The following FBXO15 variants were observed in gnomAD, a reference collection of about 807,000 sequenced individuals.
FBXO15 encodes F-box only protein 15.
In FBXO15, 30 loss-of-function variants were observed where a neutral mutation model predicts 49.5. The observed-to-expected ratio is 0.61, with a 90% CI of 0.45 to 0.82. The LOEUF (loss-of-function observed/expected upper bound fraction) is 0.82. Ranked by LOEUF, FBXO15 falls within the 40% of genes least tolerant of loss-of-function variation. FBXO15 has a pLI of 0.00. For synonymous variants in FBXO15, 250 were observed against 232.7 expected, an observed-to-expected ratio of 1.07 and a Z score of -0.68; for missense variants, 591 against 631.5, an observed-to-expected ratio of 0.94 and a Z score of 0.69.
At chr18:74,091,726 T>C (rs940952828) in intron 8 of FBXO15, among the ~76,000 whole-genome samples, 7 of 152,250 alleles carry the variant, frequency 4.6e-5, no homozygotes, top group Non-Finnish European at 1.0e-4. Flanking sequence ...CATTCTTTTC[T>C]GTAGGGTTTC....
chr18:74,081,018 C>A (rs2145104000), intron 9 of FBXO15, among the ~76,000 whole-genome samples: 1 of 152,270 alleles, frequency 6.6e-6, no homozygotes, highest in South Asian at 2.1e-4. Flanking sequence ...TAGGTCTGTG[C>A]TCTTAAAGGC....
intron 5 of FBXO15, among the ~76,000 whole-genome samples, chr18:74,126,454 G>T (rs1207781105): frequency 6.6e-6 from 1 of 152,158 alleles, no homozygotes; most frequent in East Asian, 1.9e-4. Context: ...CTCTCAATGT[G>T]TATTCCTAGT....
chr18:74,126,109 C>CTAA lies in FBXO15; in HGVS notation c.786-9_786-8insTTA. The CTAA allele has an allele frequency of 6.2e-7, 1 of 1,612,916 alleles. No individual in the cohort carries two copies. The highest frequency in any genetic ancestry group is 8.5e-7 in the Non-Finnish European group (1 of 1,179,320). ...AAAGAATGCCATCGGAGTCTTTGAA[C>CTAA]GTTATGCCAAGGAAAGGAGAGAGAG... On this transcript the variant is annotated splice_polypyrimidine_tract_variant and intron_variant, in intron 5 of 9. Coordinates refer to ENST00000419743, the MANE Select transcript of FBXO15 (RefSeq NM_001142958.2).
At chr18:74,101,509 G>T (rs762071325) in intron 8 of FBXO15, among the ~76,000 whole-genome samples, 70 of 152,092 alleles carry the variant, frequency 4.6e-4, no homozygotes, top group Non-Finnish European at 9.0e-4. Flanking sequence ...TGGATGGGTA[G>T]AATTGATATT....
intron 5 of FBXO15, 87 bp from the exon 6 acceptor site, chr18:74,126,188 G>A (rs1914704271): frequency 1.3e-6 from 2 of 1,539,046 alleles, no homozygotes; most frequent in East Asian, 2.3e-5. Flanking sequence ...TATCACAAAT[G>A]TGTTTGAAGA....
At chr18:74,147,618 C>G in intron 1 of FBXO15, 52 bp downstream of exon 1, 1 of 1,373,228 alleles carries the variant, frequency 7.3e-7, no homozygotes, top group Non-Finnish European at 9.4e-7. Flanking sequence ...AGCGGGGCCG[C>G]GCAGTGACGG....
At chr18:74,133,821 C>T (rs62097049) in intron 3 of FBXO15, among the ~76,000 whole-genome samples, 13,301 of 152,156 alleles carry the variant, frequency 0.087, 819 homozygotes, top group Admixed American at 0.2. Flanking sequence ...GAAGGGAGGT[C>T]TGCCAGGCTC....
At chr18:74,135,040 C>T (rs573694019) in intron 3 of FBXO15, among the ~76,000 whole-genome samples, 6 of 152,222 alleles carry the variant, frequency 3.9e-5, no homozygotes, top group Admixed American at 3.3e-4. Flanking sequence ...TTGTAAGCCA[C>T]GAAATCCTCA....
At chr18:74,127,648 A>T (rs1349624168) in intron 5 of FBXO15, among the ~76,000 whole-genome samples, 2 of 152,214 alleles carry the variant, frequency 1.3e-5, no homozygotes, top group Non-Finnish European at 2.9e-5. Flanking sequence ...AACAAATCCT[A>T]AAAAACACTT....
In FBXO15 at chr18:74,124,497, C is replaced by T. The variant is rs370813408; in HGVS notation, c.987G>A (p.Ser329=). 6.8e-5 allele frequency: 109 copies of T among 1,613,594 alleles called. No individual in the cohort carries two copies. The African/African-American group carries it at 9.1e-4, about 13-fold the overall frequency. The change falls in exon 7 of 10, where the codon TCG becomes TCA. Residue 329 remains serine, a synonymous_variant. Coordinates refer to ENST00000419743, the MANE Select transcript of FBXO15 (RefSeq NM_001142958.2). ...HHLVERSTLG[S]ATIPYELPPH... ...CACATATAAATACATACATAGTAGCCGAGCCTAATGTGCTCCTCTCCACAA... is the reference window on the plus strand; with the variant it reads ...CACATATAAATACATACATAGTAGCTGAGCCTAATGTGCTCCTCTCCACAA...
intron 8 of FBXO15, among the ~76,000 whole-genome samples, chr18:74,115,177 T>G (rs1170820314): frequency 6.6e-6 from 1 of 152,142 alleles, no homozygotes; most frequent in East Asian, 1.9e-4. Context: ...GCTGGAGACA[T>G]GTCAGAACTC....
In FBXO15 at chr18:74,073,645, G is replaced by A. The variant is rs1356599805; in HGVS notation, c.1349C>T (p.Pro450Leu). 3.1e-6 allele frequency: 5 copies of A among 1,614,080 alleles called. No individual in the cohort carries two copies. Among genetic ancestry groups the A allele is most frequent in the Non-Finnish European group, 4.2e-6 (5 of 1,180,048 alleles). Residue 450 changes from proline (P) to leucine (L), a missense_variant, in exon 10 of 10, where the codon CCT becomes CTT. Physicochemically the swap from Pro to Leu is moderately conservative, Grantham distance 98 (BLOSUM62 -3). Coordinates refer to ENST00000419743, the MANE Select transcript of FBXO15 (RefSeq NM_001142958.2). ...GCTAGAGCTGTCAGAGGGTGTGGCA[G>A]GCGATCTCAGGCACACCGGGGAACT... ...CFSSPVCLRS[P>L]ATPSDSSSFL...
intron 6 of FBXO15, among the ~76,000 whole-genome samples, chr18:74,125,276 A>G (rs543885905): frequency 6.6e-6 from 1 of 152,330 alleles, no homozygotes; most frequent in East Asian, 1.9e-4. Flanking sequence ...CTCGCCCACA[A>G]GCCACCTTCA....
Position 74,104,558 on chromosome 18 carries a change from C to T in FBXO15, c.1138+18810G>A, listed in dbSNP as rs114864171. Among the ~76,000 whole-genome samples the T allele has an allele frequency of 5.0e-3, 765 of 152,120 alleles. 3 individuals are homozygous for T. The highest frequency in any genetic ancestry group is 0.017 in the African/African-American group (725 of 41,508). ...GACCCACTTCACCTATGAAGACACACGTTTACTGAAATGAAAGGGTTAAAA... is the reference window on the plus strand; with the variant it reads ...GACCCACTTCACCTATGAAGACACATGTTTACTGAAATGAAAGGGTTAAAA... On this transcript the variant is annotated intron_variant, in intron 8 of 9. Coordinates refer to ENST00000419743, the MANE Select transcript of FBXO15 (RefSeq NM_001142958.2).
chr18:74,145,594 C>G (rs867166144), intron 1 of FBXO15, among the ~76,000 whole-genome samples: 8 of 96,354 alleles, frequency 8.3e-5, no homozygotes, highest in African/African-American at 3.5e-4. Flanking sequence ...ACCAACTGCA[C>G]TTTTTTTTTT....
intron 2 of FBXO15, among the ~76,000 whole-genome samples, chr18:74,137,692 T>C (rs1007982893): frequency 3.9e-5 from 6 of 152,196 alleles, no homozygotes; most frequent in Non-Finnish European, 1.5e-5. Context: ...TCTGTTGGAT[T>C]CTAGTTATTT....
chr18:74,139,540 A>G (rs564163821), intron 2 of FBXO15, among the ~76,000 whole-genome samples: 2 of 152,346 alleles, frequency 1.3e-5, no homozygotes, highest in African/African-American at 2.4e-5. Flanking sequence ...GCTGTGATAC[A>G]GTATTAAAAG....
chr18:74,145,669 C>G (rs1199024441), intron 1 of FBXO15, among the ~76,000 whole-genome samples: 1 of 143,080 alleles, frequency 7.0e-6, no homozygotes, highest in Non-Finnish European at 1.5e-5. Flanking sequence ...GCTATCTCGG[C>G]TCACTGCAAG....
chr18:74,098,211 G>A (rs917139787), intron 8 of FBXO15: 5 of 151,960 alleles, frequency 3.3e-5, no homozygotes, highest in African/African-American at 1.2e-4. Context: ...ACAAAACAAG[G>A]CTAATATCCC....
Sources: gnomAD v4.1 joint callset for allele counts (sites outside exome capture counted in the v4.1 genomes callset) on GRCh38, gnomAD v4.1.1 for gene constraint, MANE v1.5 for transcripts, NCBI Gene and HGNC (gene_info 2026-07-23, HGNC 2026-07-21) for gene names.